Variants in RGS12 observed in about 807,000 individuals in gnomAD.
RGS12 encodes regulator of G-protein signaling 12.
A neutral mutation model predicts 120.1 loss-of-function variants in RGS12; 66 were observed. The ratio of observed to expected loss-of-function variants is 0.55; its 90% CI spans 0.45 to 0.67. The LOEUF (loss-of-function observed/expected upper bound fraction) is 0.67, where lower values mean the gene tolerates loss of function less well. Among genes scored for constraint, RGS12 ranks in the 30% least tolerant of loss-of-function variants. The probability of loss-of-function intolerance (pLI) is 0.00; values close to 1 mark genes in which losing one functional copy is unlikely to be tolerated. For missense variants in RGS12, 1,859 were observed against 1,957.7 expected (o/e 0.95, Z 0.95); for synonymous variants, 827 against 804.7 (o/e 1.03, Z -0.47).
chr4:3,417,206 C>G (rs148796460), intron 8 of RGS12, 114 bp downstream of exon 8: 1 of 1,341,006 alleles, frequency 7.5e-7, no homozygotes, highest in Admixed American at 2.8e-5. Context: ...TGGTGGGTGA[C>G]GCTCCATGCT....
At chr4:3,415,006 G>A (rs985669861) in intron 6 of RGS12, among the ~76,000 whole-genome samples, 162 bp downstream of exon 6, 4 of 149,526 alleles carry the variant, frequency 2.7e-5, no homozygotes, top group Non-Finnish European at 1.5e-5. Flanking sequence ...GGGCGTGTGA[G>A]GGGCGTGTGT....
chr4:3,323,898 A>T (rs1341822828), intron 2 of RGS12: 2 of 151,614 alleles, frequency 1.3e-5, no homozygotes, highest in Admixed American at 6.6e-5. Flanking sequence ...AGAGAGAGAG[A>T]GAGAGAGAGA....
At chr4:3,391,524 C>G (rs1254228981) in intron 4 of RGS12, among the ~76,000 whole-genome samples, 1 of 152,212 alleles carries the variant, frequency 6.6e-6, no homozygotes, top group Non-Finnish European at 1.5e-5. Flanking sequence ...CCTTGGTGCC[C>G]CTGCGGCTGC....
At chr4:3,424,146 G>T (rs138175132) in intron 13 of RGS12, among the ~76,000 whole-genome samples, 6 of 152,270 alleles carry the variant, frequency 3.9e-5, no homozygotes, top group African/African-American at 1.4e-4. Flanking sequence ...AGAAAACACC[G>T]CGTGGGGTGG....
intron 1 of RGS12, among the ~76,000 whole-genome samples, chr4:3,299,857 T>C (rs762588201): frequency 2.6e-5 from 4 of 152,152 alleles, no homozygotes; most frequent in African/African-American, 7.2e-5. Context: ...CTTCTTTGAC[T>C]TTCCAGAGGC....
At chr4:3,336,290 T>A (rs1712452134) in intron 2 of RGS12, among the ~76,000 whole-genome samples, 1 of 152,180 alleles carries the variant, frequency 6.6e-6, no homozygotes, top group South Asian at 2.1e-4. Flanking sequence ...CCATGGCATC[T>A]CAGAGTCCCT....
chr4:3,379,399 C>T (rs1325603963), intron 3 of RGS12, among the ~76,000 whole-genome samples: 1 of 152,134 alleles, frequency 6.6e-6, no homozygotes, highest in Non-Finnish European at 1.5e-5. Context: ...AAAAAGGCAA[C>T]TAAGTGAGGT....
At chr4:3,388,979 T>A (rs1719163159) in intron 4 of RGS12, among the ~76,000 whole-genome samples, 1 of 152,250 alleles carries the variant, frequency 6.6e-6, no homozygotes. Flanking sequence ...CTGGTCATCC[T>A]GTCTAGTTTT....
chr4:3,400,304 G>A (rs1162398061), intron 4 of RGS12, among the ~76,000 whole-genome samples: 1 of 152,122 alleles, frequency 6.6e-6, no homozygotes, highest in Admixed American at 6.5e-5. Context: ...GTGAAGTTTG[G>A]TTTACACAAG....
At chr4:3,391,845 G>T (rs1719537954) in intron 4 of RGS12, among the ~76,000 whole-genome samples, 1 of 152,080 alleles carries the variant, frequency 6.6e-6, no homozygotes, top group Non-Finnish European at 1.5e-5. Flanking sequence ...AGCTCCTCCT[G>T]CTCAGCTTCT....
At chr4:3,307,513 A>C (rs1724039956) in intron 1 of RGS12, among the ~76,000 whole-genome samples, 1 of 152,266 alleles carries the variant, frequency 6.6e-6, no homozygotes, top group Admixed American at 6.5e-5. Flanking sequence ...AGTTCTTTTT[A>C]GAAAATGTAG....
At chr4:3,352,456 C>T (rs1714453892) in intron 3 of RGS12, among the ~76,000 whole-genome samples, 1 of 152,102 alleles carries the variant, frequency 6.6e-6, no homozygotes, top group Non-Finnish European at 1.5e-5. Context: ...CCATTTATGT[C>T]ATCCTAAATA....
At chr4:3,371,348 G>A (rs555594876) in intron 3 of RGS12, among the ~76,000 whole-genome samples, 1 of 152,344 alleles carries the variant, frequency 6.6e-6, no homozygotes, top group South Asian at 2.1e-4. Flanking sequence ...ATCCTGCGTC[G>A]GAAAGTGAAT....
intron 2 of RGS12, among the ~76,000 whole-genome samples, chr4:3,338,611 A>T (rs946636397): frequency 5.3e-5 from 8 of 152,086 alleles, no homozygotes; most frequent in African/African-American, 1.9e-4. Flanking sequence ...TGCATCCTGG[A>T]TGCCTGGGGG....
intron 4 of RGS12, among the ~76,000 whole-genome samples, chr4:3,392,877 A>G (rs1028123552): frequency 1.3e-5 from 2 of 152,106 alleles, no homozygotes; most frequent in African/African-American, 4.8e-5. Flanking sequence ...AATCCCAGCT[A>G]CTCGGGAGGC....
chr4:3,348,770 T>G (rs140149394), intron 3 of RGS12, among the ~76,000 whole-genome samples: 2,548 of 151,844 alleles, frequency 0.017, 24 homozygotes, highest in Non-Finnish European at 0.027. Flanking sequence ...AAGGAAAGAG[T>G]CCTTGCCCTA....
chr4:3,353,175 C>T (rs7664127), intron 3 of RGS12, among the ~76,000 whole-genome samples: 4,734 of 152,232 alleles, frequency 0.031, 227 homozygotes, highest in African/African-American at 0.1. Context: ...ATCATACAGG[C>T]CCTCTGGGAC....
chr4:3,427,421 A>T (rs1176526564), intron 14 of RGS12, among the ~76,000 whole-genome samples: 1 of 152,248 alleles, frequency 6.6e-6, no homozygotes, highest in Non-Finnish European at 1.5e-5. Context: ...TGGCCCTGGC[A>T]TGGGGCAAAG....
chr4:3,406,925 T>A (rs1000956030), intron 4 of RGS12, among the ~76,000 whole-genome samples: 2 of 152,272 alleles, frequency 1.3e-5, no homozygotes, highest in Non-Finnish European at 2.9e-5. Flanking sequence ...TTTGGTATAG[T>A]TGCTTATTTC....
Sources: gnomAD v4.1 joint callset for allele counts (sites outside exome capture counted in the v4.1 genomes callset) on GRCh38, gnomAD v4.1.1 for gene constraint, MANE v1.5 for transcripts, NCBI Gene and HGNC (gene_info 2026-07-23, HGNC 2026-07-21) for gene names.